CEMIP2: variants seen among roughly 807,000 people sequenced by gnomAD.
CEMIP2 encodes cell surface hyaluronidase CEMIP2.
In CEMIP2, 79 loss-of-function variants were observed where a neutral mutation model predicts 146.9. That is an observed-to-expected ratio of 0.54 (90% CI 0.45 to 0.65). The LOEUF is 0.65. CEMIP2 is among the 30% of genes least tolerant of loss of function. The pLI, the probability that CEMIP2 is intolerant of heterozygous loss-of-function variation, is 0.00. For synonymous variants in CEMIP2, 601 were observed against 606.3 expected (o/e 0.99, Z 0.13); for missense variants, 1,596 against 1,696.2 (o/e 0.94, Z 1.04).
intron 12 of CEMIP2, among the ~76,000 whole-genome samples, chr9:71,719,842 C>CAAAAAAAAAAAAAAAAAAAAAAAAAAAA (rs34555277): frequency 1.1e-5 from 1 of 93,196 alleles, no homozygotes; most frequent in East Asian, 3.9e-4. Context: ...TAAACGAAAG[C>CAAAAAAAAAAAAAAAAAAAAAAAAAAAA]AAAAAAAAAA....
chr9:71,749,940 G>T, intron 2 of CEMIP2, 103 bp downstream of exon 2: 2 of 979,832 alleles, frequency 2.0e-6, no homozygotes, highest in Non-Finnish European at 2.9e-6. Flanking sequence ...CTACATATTA[G>T]TTAGCTAGGG....
chr9:71,709,526 C>T (rs1822847510), intron 16 of CEMIP2, 52 bp from the exon 17 acceptor site: 1 of 1,482,966 alleles, frequency 6.7e-7, no homozygotes, highest in South Asian at 1.1e-5. Flanking sequence ...CCTGCTATCT[C>T]AGCATCCCCT....
intron 1 of CEMIP2, among the ~76,000 whole-genome samples, chr9:71,759,308 GA>G (rs138377205): frequency 0.064 from 9,556 of 150,390 alleles, 462 homozygotes; most frequent in South Asian, 0.18. Flanking sequence ...CTTCCTTAAA[GA>G]AAAAAAAAAT....
chr9:71,725,638 T>C lies in CEMIP2; in HGVS notation c.2121A>G (p.Lys707=). 2 of 1,614,024 alleles carry C rather than the reference T, an allele frequency of 1.2e-6. No homozygotes were observed. The highest frequency in any genetic ancestry group is 1.7e-6 in the Non-Finnish European group (2 of 1,179,968). Residue 707 remains lysine (K), a synonymous_variant, in exon 11 of 24, where the codon AAA becomes AAG. Transcript: ENST00000377044. ...GESSGLQLLA[K]PELTPLGIFY... is the part of the protein sequence containing the mutation. The stretch of plus-strand genomic sequence containing the variant: ...ATATACCCAATGGAGTGAGTTCTGG[T>C]TTTGCCAAGAGCTGCAATCCACTGG...
chr9:71,749,861 T>C (rs1824193930), intron 2 of CEMIP2, 182 bp downstream of exon 2: 1 of 560,132 alleles, frequency 1.8e-6, no homozygotes, highest in Non-Finnish European at 3.1e-6. Flanking sequence ...GAGCAACCAT[T>C]TAATCATTTC....
At chr9:71,750,002 G>C in intron 2 of CEMIP2, 41 bp downstream of exon 2, 3 of 1,506,506 alleles carry the variant, frequency 2.0e-6, no homozygotes, top group Non-Finnish European at 2.7e-6. Context: ...CTCCTCTTTT[G>C]TCTTCTAGAA....
chr9:71,716,460 A>T (rs4745117), intron 14 of CEMIP2, 57 bp downstream of exon 14: 2 of 1,385,782 alleles, frequency 1.4e-6, no homozygotes, highest in Non-Finnish European at 2.0e-6. Flanking sequence ...CAGAAAAAAA[A>T]ATCAAGGGTT....
chr9:71,722,655 A>T (rs1300673047), intron 11 of CEMIP2, 140 bp from the exon 12 acceptor site: 12 of 42,370 alleles, frequency 2.8e-4, no homozygotes, highest in East Asian at 5.6e-4. Context: ...AAGGTACTGT[A>T]AAAAAAAAAA....
In CEMIP2 at chr9:71,698,078, G is replaced by A; in HGVS notation, c.3504C>T (p.Ala1168=). The A allele has an allele frequency of 6.2e-7, 1 of 1,614,094 alleles. No homozygotes were observed. The highest frequency in any genetic ancestry group is 8.5e-7 in the Non-Finnish European group (1 of 1,180,014). ...TTCTGTAGTACTGTGGGTATGCTTT[G>A]GCCATGCAGTTACTGATGTCCTTTG... ...TDSKDISNCM[A]KAYPQYYRKP... Residue 1168 remains alanine, a synonymous_variant, in exon 20 of 24, where the codon GCC becomes GCT. Transcript: ENST00000377044.
chr9:71,738,488 C>T (rs963524727), intron 5 of CEMIP2, among the ~76,000 whole-genome samples: 15 of 151,544 alleles, frequency 9.9e-5, no homozygotes, highest in African/African-American at 3.4e-4. Context: ...GCACTCCAGC[C>T]TGGGCGACAG....
chr9:71,691,182 C>T (rs1822214939), intron 21 of CEMIP2, among the ~76,000 whole-genome samples: 1 of 152,152 alleles, frequency 6.6e-6, no homozygotes, highest in Non-Finnish European at 1.5e-5. Context: ...AATCCAATCC[C>T]AGCACTTTGG....
intron 1 of CEMIP2, among the ~76,000 whole-genome samples, chr9:71,759,831 G>C (rs75379743): frequency 1.4e-5 from 2 of 147,216 alleles, no homozygotes; most frequent in South Asian, 2.3e-4. Context: ...GGGGAGGTGG[G>C]GGGGGGATGG....
At chr9:71,755,533 G>C (rs905769010) in intron 1 of CEMIP2, among the ~76,000 whole-genome samples, 5 of 151,646 alleles carry the variant, frequency 3.3e-5, no homozygotes, top group African/African-American at 1.2e-4. Context: ...GGGTGACAGA[G>C]TAAGACTCTC....
intron 1 of CEMIP2, among the ~76,000 whole-genome samples, chr9:71,760,702 A>G (rs1824608166): frequency 7.9e-6 from 1 of 126,426 alleles, no homozygotes. Flanking sequence ...AAGGGTAGCA[A>G]TTAAGAACAG....
In CEMIP2 at chr9:71,758,612, G is replaced by T. The variant is rs549517814; in HGVS notation, c.-12-8227C>A. On this transcript the variant is annotated intron_variant, in intron 1 of 23. Transcript: ENST00000377044. ...AGGTAGCACCCCTGAGAGGAGAGAC[G>T]GCAAATGTCTCTTTCAGATCTGTAA... Among the ~76,000 whole-genome samples, 3 of 152,084 alleles carry T rather than the reference G, an allele frequency of 2.0e-5. No homozygotes were observed. In the East Asian group the frequency reaches 5.8e-4, roughly 29 times the overall value.
At chr9:71,708,465 G>T (rs1317114966) in intron 17 of CEMIP2, among the ~76,000 whole-genome samples, 2 of 152,180 alleles carry the variant, frequency 1.3e-5, no homozygotes, top group East Asian at 3.9e-4. Context: ...CCTCCTATGA[G>T]AGTAACTACT....
In CEMIP2 at chr9:71,712,252, G is replaced by A; in HGVS notation, c.2600C>T (p.Pro867Leu). ...PRTLPRNRTF[P>L]IRGFQIYDGP... ...ATCATAAATCTGAAAGCCTCTAATT[G>A]GGAACGTCCTGTGGAAATACAAGAT... Residue 867 changes from proline to leucine, a missense_variant, in exon 16 of 24, where the codon CCA (proline) becomes CTA (leucine). Pro to Leu is a moderately conservative substitution (Grantham distance 98). Transcript: ENST00000377044. The A allele has an allele frequency of 6.2e-7, 1 of 1,613,940 alleles. No individual in the cohort carries two copies. The highest frequency in any genetic ancestry group is 8.5e-7 in the Non-Finnish European group (1 of 1,179,958).
At chr9:71,691,222 TAGG>T (rs1279573795) in intron 21 of CEMIP2, among the ~76,000 whole-genome samples, 1 of 152,036 alleles carries the variant, frequency 6.6e-6, no homozygotes, top group East Asian at 1.9e-4. Flanking sequence ...CACCTGAGGT[TAGG>T]AGTTCATCCT....
At chr9:71,716,353 A>G (rs113183778) in intron 14 of CEMIP2, among the ~76,000 whole-genome samples, 164 bp downstream of exon 14, 1 of 18,560 alleles carries the variant, frequency 5.4e-5, no homozygotes, top group African/African-American at 1.5e-4. Flanking sequence ...TTAATCCAGA[A>G]AAAAAAAAAT....
Sources: allele counts gnomAD v4.1 joint callset (sites outside exome capture counted in the v4.1 genomes callset), GRCh38; gene constraint gnomAD v4.1.1; transcripts MANE v1.5; gene names NCBI Gene and HGNC (gene_info 2026-07-23, HGNC 2026-07-21).